OR51B5: variants seen among roughly 807,000 people sequenced by gnomAD.
The protein encoded by OR51B5 is olfactory receptor family 51 subfamily B member 5.
For missense variants in OR51B5, 456 were observed against 374.6 expected, an observed-to-expected ratio of 1.22 and a Z score of -1.79; for synonymous variants, 186 against 144.8, an observed-to-expected ratio of 1.28 and a Z score of -2.04.
At chr11:5,485,147 C>A (rs138226274) in intron 1 of OR51B5, among the ~76,000 whole-genome samples, 1 of 152,154 alleles carries the variant, frequency 6.6e-6, no homozygotes, top group African/African-American at 2.4e-5. Flanking sequence ...GAAGGTAGAT[C>A]TCTGCTGTTC....
chr11:5,389,559 A>G (rs774078429), intron 1 of OR51B5: 7 of 1,613,916 alleles, frequency 4.3e-6, no homozygotes, highest in East Asian at 2.2e-5. Flanking sequence ...ATCTCAGGCA[A>G]TTGTTTCATT....
At chr11:5,377,794 G>T (rs1463167612) in intron 1 of OR51B5, among the ~76,000 whole-genome samples, 2 of 151,532 alleles carry the variant, frequency 1.3e-5, no homozygotes, top group Admixed American at 1.3e-4. Context: ...ACAAACCACT[G>T]CTCAATGAAA....
chr11:5,347,313 TCAGAGAAAGCTTGAAAG>T (rs1325137318), upstream of OR51B5, among the ~76,000 whole-genome samples: 2 of 152,152 alleles, frequency 1.3e-5, no homozygotes, highest in Non-Finnish European at 2.9e-5. Flanking sequence ...TTGGTTTAGA[TCAGAGAAAGCTTGAAAG>T]CAGAGAGCTA....
At chr11:5,457,138 T>C (rs1850972841) in intron 1 of OR51B5, among the ~76,000 whole-genome samples, 1 of 152,206 alleles carries the variant, frequency 6.6e-6, no homozygotes, top group Non-Finnish European at 1.5e-5. Context: ...CTTCCCACAA[T>C]GCCCCTTCAA....
intron 1 of OR51B5, among the ~76,000 whole-genome samples, chr11:5,475,493 C>G (rs1200036143): frequency 6.6e-6 from 1 of 152,132 alleles, no homozygotes; most frequent in African/African-American, 2.4e-5. Flanking sequence ...TCCACCAACT[C>G]TTGGTGGATA....
intron 1 of OR51B5, among the ~76,000 whole-genome samples, chr11:5,473,373 T>G (rs1851257941): frequency 6.6e-6 from 1 of 152,168 alleles, no homozygotes; most frequent in Admixed American, 6.5e-5. Flanking sequence ...CCTTTCATAA[T>G]GAAGAAATGA....
upstream of OR51B5, among the ~76,000 whole-genome samples, chr11:5,347,131 TG>T (rs1390804128): frequency 7.2e-5 from 11 of 152,176 alleles, no homozygotes; most frequent in Non-Finnish European, 1.0e-4. Flanking sequence ...CCTTTATGTG[TG>T]GGGAATCAGA....
At chr11:5,343,070 A>T in exon 1 of OR51B5, 1 of 1,613,314 alleles carries the variant, frequency 6.2e-7, no homozygotes, top group Non-Finnish European at 8.5e-7. Flanking sequence ...AACAACGGAT[A>T]CAAATCCCCT....
At chr11:5,358,727 C>T (rs953421669) in intron 1 of OR51B5, among the ~76,000 whole-genome samples, 5 of 151,890 alleles carry the variant, frequency 3.3e-5, no homozygotes, top group Non-Finnish European at 4.4e-5. Context: ...TGATGGACAT[C>T]GATGCAAAAA....
chr11:5,482,028 A>C (rs1318436479), intron 1 of OR51B5, among the ~76,000 whole-genome samples: 2 of 120,006 alleles, frequency 1.7e-5, no homozygotes, highest in Non-Finnish European at 3.3e-5. Flanking sequence ...ATGGAACCAA[A>C]AAAGAGCCTG....
At chr11:5,343,316 C>A (rs762130175) in exon 1 of OR51B5, 1 of 1,455,910 alleles carries the variant, frequency 6.9e-7, no homozygotes, top group Non-Finnish European at 9.4e-7. Flanking sequence ...CAGGGCCAGC[C>A]CCAGGTCTGT....
In OR51B5 at chr11:5,366,601, A is replaced by C. The variant is rs117326241; in HGVS notation, n.85-19691T>G. Among the ~76,000 whole-genome samples, 585 of 151,898 alleles carry C rather than the reference A, an allele frequency of 3.9e-3. 2 individuals are homozygous for C. The highest frequency in any genetic ancestry group is 0.01 in the Middle Eastern group (3 of 294). On this transcript the variant is annotated intron_variant and non_coding_transcript_variant, in intron 1 of 4. Coordinates refer to the OR51B5 transcript ENST00000415970. Reference sequence around the variant, plus strand: ...TCCAGCAGCCTGGAAGGCAAAAGCAAGATGAGAAAGAAATAGAGAAAGAGA... The same window carrying C: ...TCCAGCAGCCTGGAAGGCAAAAGCACGATGAGAAAGAAATAGAGAAAGAGA...
intron 1 of OR51B5, among the ~76,000 whole-genome samples, chr11:5,452,693 G>C (rs560122474): frequency 5.3e-5 from 8 of 152,154 alleles, no homozygotes; most frequent in African/African-American, 1.9e-4. Flanking sequence ...GTGTCCTTGT[G>C]ACTAATGGGT....
At chr11:5,380,697 T>C (rs1014704897) in intron 1 of OR51B5, among the ~76,000 whole-genome samples, 2 of 152,194 alleles carry the variant, frequency 1.3e-5, no homozygotes, top group Non-Finnish European at 2.9e-5. Context: ...CCTATCTCTC[T>C]CCATCAATTT....
chr11:5,461,781 C>T (rs1851057908), intron 1 of OR51B5, among the ~76,000 whole-genome samples: 5 of 152,088 alleles, frequency 3.3e-5, no homozygotes, highest in South Asian at 4.1e-4. Context: ...CTATGTTTCT[C>T]ATCCCGTCCC....
At chr11:5,360,145 G>A (rs905809962) in intron 1 of OR51B5, among the ~76,000 whole-genome samples, 21 of 151,066 alleles carry the variant, frequency 1.4e-4, no homozygotes, top group African/African-American at 4.6e-4. Flanking sequence ...TGGACAAATG[G>A]GATCTAATTA....
At chr11:5,358,179 C>G (rs1028340238) in intron 1 of OR51B5, among the ~76,000 whole-genome samples, 2 of 152,016 alleles carry the variant, frequency 1.3e-5, no homozygotes, top group African/African-American at 4.8e-5. Context: ...CAAAAAAACC[C>G]TTCAAAAAAT....
At chr11:5,424,361 A>C (rs1850409510) in intron 1 of OR51B5, among the ~76,000 whole-genome samples, 2 of 149,624 alleles carry the variant, frequency 1.3e-5, no homozygotes, top group African/African-American at 2.5e-5. Context: ...AACAAAAAAC[A>C]AACAAACAAA....
chr11:5,383,755 A>T (rs1019811491), intron 1 of OR51B5: 2 of 152,154 alleles, frequency 1.3e-5, no homozygotes, highest in Non-Finnish European at 2.9e-5. Context: ...TTTGTTTACC[A>T]TTAAGTTCTC....
Sources: gnomAD v4.1 joint callset for allele counts (sites outside exome capture counted in the v4.1 genomes callset) on GRCh38, gnomAD v4.1.1 for gene constraint, MANE v1.5 for transcripts, NCBI Gene and HGNC (gene_info 2026-07-23, HGNC 2026-07-21) for gene names.